PPARA: variants seen among roughly 807,000 people sequenced by gnomAD.
PPARA encodes the protein peroxisome proliferator-activated receptor alpha.
In PPARA, 22 loss-of-function variants were observed where a neutral mutation model predicts 42.2. That is an observed-to-expected ratio of 0.52 (90% CI 0.37 to 0.74). The LOEUF is 0.74. Among genes scored for constraint, PPARA ranks in the 30% least tolerant of loss-of-function variants. The pLI, the probability that PPARA is intolerant of heterozygous loss-of-function variation, is 0.00. For missense variants in PPARA, 465 were observed against 608.2 expected (o/e 0.76, Z 2.48); for synonymous variants, 242 against 239.3 (o/e 1.01, Z -0.10).
Position 46,190,503 on chromosome 22 carries a change from C to G in PPARA, c.-42-7839C>G, listed in dbSNP as rs947144058. ...GGTATGATGGCTCACACCAGTAATC[C>G]CAACACTTAGAGGCCAAGCCGCGTG... On this transcript the variant is annotated intron_variant, in intron 3 of 8. Coordinates refer to ENST00000407236, the MANE Select transcript of PPARA (RefSeq NM_005036.6). The surrounding 1 kb of genome is among the most constrained non-coding windows in gnomAD (Gnocchi z 5.6). 1.3e-5 allele frequency among the ~76,000 whole-genome samples: 2 copies of G among 152,104 alleles called. No individual in the cohort carries two copies. Among genetic ancestry groups the G allele is most frequent in the African/African-American group, 4.8e-5 (2 of 41,402 alleles).
intron 2 of PPARA, among the ~76,000 whole-genome samples, chr22:46,157,620 A>T (rs1925517683): frequency 6.6e-6 from 1 of 152,232 alleles, no homozygotes; most frequent in Non-Finnish European, 1.5e-5. Flanking sequence ...GATCTATTTA[A>T]ATAAAATCCT....
rs541626097 is a variant in PPARA at position 46,163,629 on chromosome 22, C to T, written c.-127+11659C>T. Reference sequence around the variant, plus strand: ...CTTTCTCGAAGCCCCTTTCCCAGGACGACGTGACATGAGTGGTCTGTGCCT... The same window carrying T: ...CTTTCTCGAAGCCCCTTTCCCAGGATGACGTGACATGAGTGGTCTGTGCCT... On this transcript the variant is annotated intron_variant, in intron 2 of 8. Coordinates refer to ENST00000407236, the MANE Select transcript of PPARA (RefSeq NM_005036.6). This position sits in a 1 kb window ranked among gnomAD's most constrained non-coding sequence, Gnocchi z 4.9. The T allele has an allele frequency of 6.6e-6, 1 of 152,342 alleles. No individual in the cohort carries two copies. The highest frequency in any genetic ancestry group is 1.9e-4 in the East Asian group (1 of 5,188). 9.4% of individuals were successfully genotyped at this position (152,342 alleles called of 1,614,324 possible).
chr22:46,154,970 G>T (rs1425390934), intron 2 of PPARA: 1 of 106,292 alleles, frequency 9.4e-6, no homozygotes, highest in Non-Finnish European at 1.7e-5. Flanking sequence ...ACTGCACCCG[G>T]CATAAGTGGT....
In PPARA at chr22:46,196,106, G is replaced by A. The variant is rs79593842; in HGVS notation, c.-42-2236G>A. Among the ~76,000 whole-genome samples the A allele has an allele frequency of 2.2e-3, 332 of 152,210 alleles. 1 individual carries two copies. Among genetic ancestry groups the A allele is most frequent in the African/African-American group, 7.4e-3 (309 of 41,516 alleles). ...AGTCGGGTAGGGACAAATGTGGAAGGGCTGGGAACAGTGTGTTCAGGAGAC... is the reference window on the plus strand; with the variant it reads ...AGTCGGGTAGGGACAAATGTGGAAGAGCTGGGAACAGTGTGTTCAGGAGAC... On this transcript the variant is annotated intron_variant, in intron 3 of 8. Coordinates refer to ENST00000407236, the MANE Select transcript of PPARA (RefSeq NM_005036.6). The surrounding 1 kb of genome is among the most constrained non-coding windows in gnomAD (Gnocchi z 5.6).
intron 3 of PPARA, among the ~76,000 whole-genome samples, chr22:46,178,478 G>A (rs1929490142): frequency 6.6e-6 from 1 of 152,232 alleles, no homozygotes; most frequent in African/African-American, 2.4e-5. Flanking sequence ...TTGCAGTGCA[G>A]GGAGAGGGGA....
Position 46,224,868 on chromosome 22 carries a change from T to C in PPARA, c.711+4854T>C, listed in dbSNP as rs1179478723. On this transcript the variant is annotated intron_variant, in intron 7 of 8. Coordinates refer to ENST00000407236, the MANE Select transcript of PPARA (RefSeq NM_005036.6). The surrounding 1 kb of genome is among the most constrained non-coding windows in gnomAD (Gnocchi z 5.7). ...TTTGCTATAAGCGGGGGACTGAATT[T>C]CTCTTTGCAGTGGCCAATGCCTTTC... Among the ~76,000 whole-genome samples the C allele has an allele frequency of 1.3e-5, 2 of 152,072 alleles. No homozygotes were observed. The highest frequency in any genetic ancestry group is 2.9e-5 in the Non-Finnish European group (2 of 68,016).
rs1248869300 is a variant in PPARA, at chr22:46,185,932, T to A, written c.-43+9096T>A. Among the ~76,000 whole-genome samples, 183 of 24,520 alleles carry A rather than the reference T, an allele frequency of 7.5e-3. 9 individuals carry two copies. Among genetic ancestry groups the A allele is most frequent in the Middle Eastern group, 0.015 (1 of 66 alleles). 16.1% of individuals were successfully genotyped at this position (24,520 alleles called of 152,430 possible). On this transcript the variant is annotated intron_variant, in intron 3 of 8. Coordinates refer to ENST00000407236, the MANE Select transcript of PPARA (RefSeq NM_005036.6). ...AAAAAAAAAAATATATATATATATA[T>A]ATATATATATATATATATATATATA... is the stretch of plus-strand genomic sequence containing the variant.
chr22:46,160,329 C>T lies in PPARA; in HGVS notation c.-127+8359C>T, dbSNP rs1002246322. On this transcript the variant is annotated intron_variant, in intron 2 of 8. Transcript: ENST00000407236. The surrounding 1 kb of genome is among the most constrained non-coding windows in gnomAD (Gnocchi z 4.5). ...TGTTTGTTTTTGAGATGGAGTCTCG[C>T]TCTGTCACCCAGGCCGGAGTGCAGT... is the stretch of plus-strand genomic sequence containing the variant. Among the ~76,000 whole-genome samples, 2 of 152,216 alleles carry T rather than the reference C, an allele frequency of 1.3e-5. No individual in the cohort carries two copies. The highest frequency in any genetic ancestry group is 2.4e-5 in the African/African-American group (1 of 41,454).
intron 3 of PPARA, among the ~76,000 whole-genome samples, chr22:46,189,601 T>C (rs898402426): frequency 6.6e-6 from 1 of 152,256 alleles, no homozygotes; most frequent in Non-Finnish European, 1.5e-5. Flanking sequence ...TCTGGTCCTT[T>C]TCCTTCTGTT....
Position 46,232,236 on chromosome 22 carries a change from GGA to G in PPARA, c.1158_1159del (p.Asp387SerfsTer11). 6.2e-7 allele frequency: 1 copy of G among 1,613,936 alleles called. No homozygotes were observed. The highest frequency in any genetic ancestry group is 2.2e-5 in the East Asian group (1 of 44,872). On this transcript the variant is annotated frameshift_variant and splice_region_variant, in exon 8 of 9. Transcript: ENST00000407236. LOFTEE classifies it high-confidence loss of function. The surrounding 1 kb of genome is among the most constrained non-coding windows in gnomAD (Gnocchi z 5.3). ...TTTTGTGGCTGCTATCATTTGCTGT[GGA>G]GGTGAGTGGTTGATTTAATCTGCTG... Reference protein sequence around the residue: ...SLFVAAIICCGDRPGLLNVGH... With the variant: ...SLFVAAIICCXDRPGLLNVGH...
Position 46,212,646 on chromosome 22 carries a change from G to GT in PPARA, c.209-2524dup, listed in dbSNP as rs1364641472. Among the ~76,000 whole-genome samples, 2 of 152,098 alleles carry GT rather than the reference G, an allele frequency of 1.3e-5. No individual in the cohort carries two copies. The highest frequency in any genetic ancestry group is 4.8e-5 in the African/African-American group (2 of 41,416). ...GTTCCCACTGTCTGTTTGTACCACA[G>GT]TTTGTATATCTATTCACCTATCTAA... On this transcript the variant is annotated intron_variant, in intron 4 of 8. Coordinates refer to ENST00000407236, the MANE Select transcript of PPARA (RefSeq NM_005036.6). The surrounding 1 kb of genome is among the most constrained non-coding windows in gnomAD (Gnocchi z 4.2).
intron 2 of PPARA, among the ~76,000 whole-genome samples, chr22:46,154,449 A>C (rs1401721431): frequency 6.6e-6 from 1 of 151,950 alleles, no homozygotes; most frequent in Admixed American, 6.5e-5. Context: ...GAAACCCTGC[A>C]TCTACTAAAA....
At chr22:46,177,212 AAAAAT>A (rs4253673) in intron 3 of PPARA, among the ~76,000 whole-genome samples, 8 of 151,790 alleles carry the variant, frequency 5.3e-5, no homozygotes, top group East Asian at 3.8e-4. Flanking sequence ...CCCTGTCTCA[AAAAAT>A]AAAATAAAAT....
rs1200173963 is a variant in PPARA at position 46,182,653 on chromosome 22, A to C, written c.-43+5817A>C. Reference sequence around the variant, plus strand: ...TGATAGTGGTTTCACAGGTTGATACATACGGCAAAAAATACCAAATTTGTA... The same window carrying C: ...TGATAGTGGTTTCACAGGTTGATACCTACGGCAAAAAATACCAAATTTGTA... On this transcript the variant is annotated intron_variant, in intron 3 of 8. Transcript: ENST00000407236. The surrounding 1 kb of genome is among the most constrained non-coding windows in gnomAD (Gnocchi z 5.2). Among the ~76,000 whole-genome samples, 1 of 152,222 alleles carries C rather than the reference A, an allele frequency of 6.6e-6. No individual in the cohort carries two copies. Among genetic ancestry groups the C allele is most frequent in the Non-Finnish European group, 1.5e-5 (1 of 68,044 alleles).
intron 2 of PPARA, among the ~76,000 whole-genome samples, chr22:46,175,550 A>G (rs1006301517): frequency 6.7e-6 from 1 of 150,016 alleles, no homozygotes; most frequent in Non-Finnish European, 1.5e-5. Flanking sequence ...CATCTCTACT[A>G]AAAAATACAA....
rs949164215 is a variant in PPARA at position 46,239,147 on chromosome 22, C to G, written c.*3767C>G. The G allele has an allele frequency of 6.6e-6, 1 of 152,118 alleles. No individual in the cohort carries two copies. The highest frequency in any genetic ancestry group is 1.9e-4 in the East Asian group (1 of 5,178). The allele number at this position is 152,118 out of a possible 1,614,324, so 9.4% of individuals were successfully genotyped here. A position where few individuals can be genotyped will look rare whatever the true frequency, so the allele number is the denominator to read the frequency against. ...TTTTGTTTCGCATTTAGAGAGCAGA[C>G]AAGGCACCCTTCTGCTGCGCTGATA... On this transcript the variant is annotated 3_prime_UTR_variant, in exon 9 of 9. Coordinates refer to ENST00000407236, the MANE Select transcript of PPARA (RefSeq NM_005036.6).
chr22:46,224,225 CCCT>C lies in PPARA; in HGVS notation c.711+4217_711+4219del, dbSNP rs1211416762. Among the ~76,000 whole-genome samples the C allele has an allele frequency of 5.3e-5, 8 of 152,234 alleles. No individual in the cohort carries two copies. The highest frequency in any genetic ancestry group is 2.1e-4 in the South Asian group (1 of 4,830). On this transcript the variant is annotated intron_variant, in intron 7 of 8. Coordinates refer to ENST00000407236, the MANE Select transcript of PPARA (RefSeq NM_005036.6). This position sits in a 1 kb window ranked among gnomAD's most constrained non-coding sequence, Gnocchi z 5.7. ...CGCACGGGACGCTGGAGGCACGGCC[CCCT>C]CCTCCCTGCCTAGCCTGCTGACGGG...
At chr22:46,172,155 G>T (rs1296502118) in intron 2 of PPARA, among the ~76,000 whole-genome samples, 1 of 152,054 alleles carries the variant, frequency 6.6e-6, no homozygotes, top group Non-Finnish European at 1.5e-5. Context: ...TCCCCAGGAG[G>T]TGATCAGGGT....
chr22:46,195,167 T>C lies in PPARA; in HGVS notation c.-42-3175T>C, dbSNP rs978040336. On this transcript the variant is annotated intron_variant, in intron 3 of 8. Coordinates refer to ENST00000407236, the MANE Select transcript of PPARA (RefSeq NM_005036.6). The surrounding 1 kb of genome is among the most constrained non-coding windows in gnomAD (Gnocchi z 4.6). The stretch of plus-strand genomic sequence containing the variant: ...ATCTGCCCGCCTCAGCCTCCCAAAG[T>C]GCTGGGATTACAGGTGTGAGCCACC... Among the ~76,000 whole-genome samples the C allele has an allele frequency of 6.6e-6, 1 of 152,144 alleles. No homozygotes were observed. The highest frequency in any genetic ancestry group is 6.6e-5 in the Admixed American group (1 of 15,264).
Sources: allele counts gnomAD v4.1 joint callset (sites outside exome capture counted in the v4.1 genomes callset), GRCh38; gene constraint gnomAD v4.1.1; non-coding constraint Gnocchi (gnomAD v3.1); transcripts MANE v1.5; gene names NCBI Gene and HGNC (gene_info 2026-07-23, HGNC 2026-07-21).